SLC2A14: variants seen among roughly 807,000 people sequenced by gnomAD.
The protein encoded by SLC2A14 is solute carrier family 2 member 14, also known as solute carrier family 2, facilitated glucose transporter member 14.
SLC2A14 carries 13 observed loss-of-function variants against 43.0 expected under a neutral mutation model. That is an observed-to-expected ratio of 0.30 (90% confidence interval 0.20 to 0.48). The LOEUF (loss-of-function observed/expected upper bound fraction) is 0.48, where lower values mean the gene tolerates loss of function less well. Ranked by LOEUF, SLC2A14 falls within the 20% of genes least tolerant of loss-of-function variation. The probability of loss-of-function intolerance (pLI) is 0.99; values close to 1 mark genes in which losing one functional copy is unlikely to be tolerated. For synonymous variants in SLC2A14, 190 were observed against 233.8 expected (o/e 0.81, Z 1.71); for missense variants, 428 against 620.4 (o/e 0.69, Z 3.29).
At chr12:7,824,716 G>C (rs968903777) in intron 7 of SLC2A14, among the ~76,000 whole-genome samples, 1 of 122,450 alleles carries the variant, frequency 8.2e-6, no homozygotes, top group African/African-American at 3.1e-5. Context: ...CGGGGTGACA[G>C]AGACTCTGTC....
At chr12:7,816,027 A>C (rs1312101362) in intron 10 of SLC2A14, among the ~76,000 whole-genome samples, 9 of 151,652 alleles carry the variant, frequency 5.9e-5, no homozygotes, top group African/African-American at 1.9e-4. Flanking sequence ...CAGCCTCCCA[A>C]GTACCTGAGA....
At chr12:7,828,676 T>G (rs940275340) in intron 6 of SLC2A14, 28 bp downstream of exon 6, 3 of 1,612,358 alleles carry the variant, frequency 1.9e-6, no homozygotes, top group Non-Finnish European at 2.5e-6. Flanking sequence ...CCATATACTT[T>G]GTATACTAAA....
intron 10 of SLC2A14, among the ~76,000 whole-genome samples, chr12:7,816,671 C>T (rs957459309): frequency 2.0e-5 from 3 of 151,738 alleles, no homozygotes; most frequent in African/African-American, 7.3e-5. Flanking sequence ...TGAGACCAGC[C>T]TGGCCAACAT....
chr12:7,853,872 G>A (rs1867137068), intron 2 of SLC2A14, among the ~76,000 whole-genome samples: 1 of 152,158 alleles, frequency 6.6e-6, no homozygotes, highest in Non-Finnish European at 1.5e-5. Context: ...AATATTGAAT[G>A]TGCTTAGAAA....
Position 7,872,645 on chromosome 12 carries a change from C to T in SLC2A14, c.-58+162G>A, listed in dbSNP as rs1271715448. On this transcript the variant is annotated intron_variant, in intron 1 of 10. Transcript: ENST00000431042. ...CTCAGTAAATCACAAATCTCTTCTC[C>T]AAGGCTCCAAGGCTAGTTTCCCAGA... 4 of 469,850 alleles carry T rather than the reference C, an allele frequency of 8.5e-6. 1 individual carries two copies. Among genetic ancestry groups the T allele is most frequent in the African/African-American group, 8.5e-5 (4 of 47,306 alleles). The allele number at this position is 469,850 out of a possible 1,614,324, so 29.1% of individuals were successfully genotyped here.
intron 7 of SLC2A14, among the ~76,000 whole-genome samples, chr12:7,826,166 C>G (rs954618792): frequency 6.6e-6 from 1 of 151,686 alleles, no homozygotes; most frequent in African/African-American, 2.4e-5. Flanking sequence ...AAATTTGAGA[C>G]TGGGATTCAT....
intron 2 of SLC2A14, among the ~76,000 whole-genome samples, chr12:7,868,908 G>T (rs10772815): frequency 0.5 from 75,100 of 151,612 alleles, 18,605 homozygotes; most frequent in East Asian, 0.65. Context: ...ACTTTGGGAG[G>T]CCGAGGCGGG....
chr12:7,852,728 C>T (rs1867037834), intron 2 of SLC2A14, among the ~76,000 whole-genome samples: 1 of 152,068 alleles, frequency 6.6e-6, no homozygotes, highest in African/African-American at 2.4e-5. Context: ...GGGAGCAAGT[C>T]ACCACTGTTT....
chr12:7,847,697 C>G (rs191925445), intron 2 of SLC2A14, among the ~76,000 whole-genome samples: 231 of 152,264 alleles, frequency 1.5e-3, no homozygotes, highest in African/African-American at 5.5e-3. Flanking sequence ...TCTCTCTTTT[C>G]CTTCCCCTCA....
intron 2 of SLC2A14, among the ~76,000 whole-genome samples, chr12:7,858,581 C>A (rs143625431): frequency 0.065 from 9,875 of 152,122 alleles, 488 homozygotes; most frequent in African/African-American, 0.13. Context: ...CTCACCACAA[C>A]TTCCGCCTCC....
At chr12:7,887,805 G>A (rs1945712767) in intron 1 of SLC2A14, among the ~76,000 whole-genome samples, 1 of 152,108 alleles carries the variant, frequency 6.6e-6, no homozygotes, top group Non-Finnish European at 1.5e-5. Flanking sequence ...TGGCACCCAT[G>A]CCTTCCTATA....
intron 2 of SLC2A14, among the ~76,000 whole-genome samples, chr12:7,851,865 C>T (rs1230700685): frequency 6.6e-6 from 1 of 152,134 alleles, no homozygotes; most frequent in African/African-American, 2.4e-5. Flanking sequence ...AAAGAAATGC[C>T]ACAGCCCCAG....
chr12:7,864,882 T>C (rs11056204), intron 2 of SLC2A14, among the ~76,000 whole-genome samples: 70,898 of 151,620 alleles, frequency 0.47, 16,726 homozygotes, highest in Middle Eastern at 0.6. Flanking sequence ...CACTCTTTCT[T>C]CAGATCTCCT....
intron 2 of SLC2A14, among the ~76,000 whole-genome samples, chr12:7,856,944 T>C (rs1215720273): frequency 6.6e-6 from 1 of 152,116 alleles, no homozygotes; most frequent in Non-Finnish European, 1.5e-5. Flanking sequence ...CAGAGTATAT[T>C]TGTCTTAGAA....
At chr12:7,823,532 AC>A (rs928842798) in intron 7 of SLC2A14, among the ~76,000 whole-genome samples, 1 of 152,078 alleles carries the variant, frequency 6.6e-6, no homozygotes, top group African/African-American at 2.4e-5. Context: ...GACCACCCTG[AC>A]AACATGGAGA....
intron 2 of SLC2A14, among the ~76,000 whole-genome samples, chr12:7,866,971 C>A (rs1944946414): frequency 6.7e-6 from 1 of 149,120 alleles, no homozygotes. Context: ...GACAGAGTTT[C>A]ACTTTTGTCG....
intron 8 of SLC2A14, 105 bp downstream of exon 8, chr12:7,821,116 C>G: frequency 1.2e-6 from 1 of 845,574 alleles, no homozygotes; most frequent in Non-Finnish European, 1.8e-6. Context: ...AAATAAATAA[C>G]AAAAAAGGTG....
upstream of SLC2A14, among the ~76,000 whole-genome samples, chr12:7,874,762 A>AATAT (rs1389307262): frequency 9.8e-5 from 5 of 51,228 alleles, no homozygotes; most frequent in Non-Finnish European, 1.7e-4. Context: ...TATTTATATA[A>AATAT]CTATATAAAC....
intron 2 of SLC2A14, among the ~76,000 whole-genome samples, chr12:7,862,895 G>T (rs1944664389): frequency 6.6e-6 from 1 of 152,010 alleles, no homozygotes; most frequent in African/African-American, 2.4e-5. Flanking sequence ...TTTGTATCTG[G>T]CTCAGGGATT....
Sources: gnomAD v4.1 joint callset for allele counts (sites outside exome capture counted in the v4.1 genomes callset) on GRCh38, gnomAD v4.1.1 for gene constraint, MANE v1.5 for transcripts, NCBI Gene and HGNC (gene_info 2026-07-23, HGNC 2026-07-21) for gene names.